The following AFG2A variants were observed in gnomAD, a reference collection of about 807,000 sequenced individuals.
AFG2A encodes the protein ATPase family gene 2 protein homolog A.
the AFG2A span, among the ~76,000 whole-genome samples, chr4:123,017,304 GGA>G: frequency 2.6e-5 from 4 of 151,478 alleles, no homozygotes; most frequent in Admixed American, 2.6e-4. Flanking sequence ...TTAATCAACG[GGA>G]GAGAGTCTAT....
chr4:123,230,488 G>A, the AFG2A span, among the ~76,000 whole-genome samples: 1 of 151,662 alleles, frequency 6.6e-6, no homozygotes, highest in African/African-American at 2.4e-5. Context: ...CACCCCATTT[G>A]CAGTTACTTC....
the AFG2A span, among the ~76,000 whole-genome samples, chr4:123,050,667 A>AT: frequency 6.7e-6 from 1 of 150,182 alleles, no homozygotes; most frequent in Non-Finnish European, 1.5e-5. Context: ...ATCATTTTCC[A>AT]TTCCTTCACT....
the AFG2A span, among the ~76,000 whole-genome samples, chr4:123,254,450 T>A: frequency 6.6e-6 from 1 of 152,204 alleles, no homozygotes; most frequent in East Asian, 1.9e-4. Flanking sequence ...CTCTAGATAC[T>A]CTCACACTAT....
At chr4:123,262,811 A>G in the AFG2A span, among the ~76,000 whole-genome samples, 12,867 of 152,278 alleles carry the variant, frequency 0.084, 757 homozygotes, top group Middle Eastern at 0.16. Flanking sequence ...TATATAATGT[A>G]TTTATGTGGC....
the AFG2A span, among the ~76,000 whole-genome samples, chr4:122,957,178 A>G: frequency 5.3e-5 from 8 of 152,302 alleles, no homozygotes; most frequent in African/African-American, 1.9e-4. Context: ...GTAAAGAAAA[A>G]GCCCTAAGCC....
the AFG2A span, among the ~76,000 whole-genome samples, chr4:123,030,565 T>C: frequency 3.9e-5 from 6 of 152,212 alleles, no homozygotes; most frequent in Non-Finnish European, 7.3e-5. Flanking sequence ...TCTTCATCAA[T>C]TGAGTTCATA....
the AFG2A span, among the ~76,000 whole-genome samples, chr4:123,244,144 G>A: frequency 2.8e-4 from 43 of 152,012 alleles, no homozygotes; most frequent in African/African-American, 1.0e-3. Flanking sequence ...CCAGAGACAA[G>A]GAAAAAGAAA....
chr4:123,091,285 C>T, the AFG2A span, among the ~76,000 whole-genome samples: 2 of 152,206 alleles, frequency 1.3e-5, no homozygotes, highest in South Asian at 2.1e-4. Context: ...AGAGAGCTGT[C>T]CTACAAAGGA....
At chr4:122,949,490 G>A in the AFG2A span, among the ~76,000 whole-genome samples, 4 of 152,172 alleles carry the variant, frequency 2.6e-5, no homozygotes, top group Admixed American at 6.5e-5. Context: ...GCGGAGGAGA[G>A]GGGGAGCTCT....
the AFG2A span, among the ~76,000 whole-genome samples, chr4:123,192,129 C>A: frequency 6.6e-6 from 1 of 151,820 alleles, no homozygotes; most frequent in Non-Finnish European, 1.5e-5. Flanking sequence ...TGGACTCAAG[C>A]GATTCTCGTG....
chr4:123,312,881 C>T, the AFG2A span, among the ~76,000 whole-genome samples: 1 of 152,236 alleles, frequency 6.6e-6, no homozygotes, highest in East Asian at 1.9e-4. Flanking sequence ...AGCCATTAGC[C>T]CAGCATAAGC....
chr4:123,058,362 C>T, the AFG2A span, among the ~76,000 whole-genome samples: 5 of 152,264 alleles, frequency 3.3e-5, no homozygotes, highest in East Asian at 1.9e-4. Flanking sequence ...CCGTGGCTCA[C>T]GCCTGTAATC....
the AFG2A span, among the ~76,000 whole-genome samples, chr4:123,071,507 C>T: frequency 6.6e-6 from 1 of 151,272 alleles, no homozygotes; most frequent in African/African-American, 2.4e-5. Context: ...AAAAGAATCA[C>T]TTGTTTCTCT....
chr4:123,146,429 C>T, the AFG2A span, among the ~76,000 whole-genome samples: 2 of 152,120 alleles, frequency 1.3e-5, no homozygotes, highest in African/African-American at 4.8e-5. Context: ...AGTCTTTCAG[C>T]AGTTATGGGG....
chr4:123,311,443 T>C, the AFG2A span, among the ~76,000 whole-genome samples: 8 of 152,052 alleles, frequency 5.3e-5, no homozygotes, highest in South Asian at 1.2e-3. Context: ...CTGGCTAATA[T>C]GGTGAAACCC....
the AFG2A span, among the ~76,000 whole-genome samples, chr4:122,955,176 T>C: frequency 6.6e-6 from 1 of 152,202 alleles, no homozygotes; most frequent in Middle Eastern, 3.2e-3. Flanking sequence ...GGTGGTGGAC[T>C]AGACAGGAGA....
the AFG2A span, among the ~76,000 whole-genome samples, chr4:123,246,364 G>GT: frequency 1.3e-5 from 2 of 152,142 alleles, no homozygotes; most frequent in Non-Finnish European, 2.9e-5. Flanking sequence ...CTTCGTTCCT[G>GT]TGCTTCTTCC....
the AFG2A span, among the ~76,000 whole-genome samples, chr4:123,232,746 G>T: frequency 6.6e-6 from 1 of 152,020 alleles, no homozygotes; most frequent in Non-Finnish European, 1.5e-5. Flanking sequence ...TGCATTGGGG[G>T]ATGATTGCAG....
chr4:122,939,003 A>C, the AFG2A span, among the ~76,000 whole-genome samples: 1 of 151,696 alleles, frequency 6.6e-6, no homozygotes, highest in East Asian at 1.9e-4. Context: ...GAATAATGCG[A>C]AATGTTTTGT....
Sources: allele counts gnomAD v4.1 joint callset (sites outside exome capture counted in the v4.1 genomes callset), GRCh38; gene constraint gnomAD v4.1.1; transcripts MANE v1.5; gene names NCBI Gene and HGNC (gene_info 2026-07-23, HGNC 2026-07-21).